ARHGAP35: variants seen among roughly 807,000 people sequenced by gnomAD.
ARHGAP35 encodes the protein Rho GTPase activating protein 35.
ARHGAP35 carries 15 observed loss-of-function variants against 111.1 expected under a neutral mutation model. That is an observed-to-expected ratio of 0.13 (90% CI 0.09 to 0.21). The LOEUF is 0.21. ARHGAP35 is among the 10% of genes least tolerant of loss of function. ARHGAP35 has a pLI of 1.00. For missense variants in ARHGAP35, 1,262 were observed against 1,873.0 expected (o/e 0.67, Z 6.02); for synonymous variants, 643 against 710.3 (o/e 0.91, Z 1.51).
intron 1 of ARHGAP35, among the ~76,000 whole-genome samples, chr19:46,889,102 C>T (rs576185373): frequency 6.6e-6 from 1 of 151,940 alleles, no homozygotes; most frequent in African/African-American, 2.4e-5. Context: ...GTGGATCACC[C>T]AAGGTCAGGA....
At chr19:46,916,709 C>T (rs1335630639) in intron 1 of ARHGAP35, among the ~76,000 whole-genome samples, 3 of 136,438 alleles carry the variant, frequency 2.2e-5, no homozygotes, top group Non-Finnish European at 4.8e-5. Flanking sequence ...ATCCTATATG[C>T]TTTACCCAGA....
Position 47,000,365 on chromosome 19 carries a change from A to G in ARHGAP35, c.4177A>G (p.Ser1393Gly). ...SHNNKVNLMT[S>G]ENLSICFWPT... is the part of the protein sequence containing the mutation. ...CAACAACAAGGTGAATCTCATGACC[A>G]GCGAGAACCTCTCCATCTGCTTCTG... The change falls in exon 7 of 7, where the codon AGC becomes GGC. Residue 1393 changes from serine to glycine, a missense_variant. Physicochemically the swap from Ser to Gly is moderately conservative, Grantham distance 56 (BLOSUM62 0). Transcript: ENST00000672722. This position sits in a 1 kb window ranked among gnomAD's most constrained non-coding sequence, Gnocchi z 6.9. 6.2e-7 allele frequency: 1 copy of G among 1,613,890 alleles called. No individual in the cohort carries two copies. The highest frequency in any genetic ancestry group is 8.5e-7 in the Non-Finnish European group (1 of 1,179,864).
chr19:46,921,080 C>T lies in ARHGAP35; in HGVS notation c.2405C>T (p.Pro802Leu). 1 of 1,613,940 alleles carries T rather than the reference C, an allele frequency of 6.2e-7. No homozygotes were observed. Among genetic ancestry groups the T allele is most frequent in the Non-Finnish European group, 8.5e-7 (1 of 1,179,870 alleles). Residue 802 changes from proline to leucine, a missense_variant, in exon 2 of 7, where the codon CCT (proline) becomes CTT (leucine). Physicochemically the swap from Pro to Leu is moderately conservative, Grantham distance 98 (BLOSUM62 -3). This residue lies in a region of ARHGAP35 where 579 missense variants were observed against 716.9 expected (regional missense o/e 0.81). Transcript: ENST00000672722. The surrounding 1 kb of genome is among the most constrained non-coding windows in gnomAD (Gnocchi z 4.3). ...DPFSADDILF[P>L]VLQSQTCKSS... is the part of the protein sequence containing the mutation. ...TTTAGTGCAGATGACATACTTTTTC[C>T]TGTCCTTCAGTCCCAAACCTGTAAA...
intron 1 of ARHGAP35, among the ~76,000 whole-genome samples, chr19:46,865,759 C>T (rs778260549): frequency 1.3e-5 from 2 of 152,182 alleles, no homozygotes; most frequent in Non-Finnish European, 2.9e-5. Flanking sequence ...GGTGTTAGGC[C>T]GCTTGCAGCG....
Position 46,989,375 on chromosome 19 carries a change from C to T in ARHGAP35, c.3905-169C>T, listed in dbSNP as rs1317039149. On this transcript the variant is annotated intron_variant, in intron 4 of 6. Coordinates refer to ENST00000672722, the MANE Select transcript of ARHGAP35 (RefSeq NM_004491.5). This position sits in a 1 kb window ranked among gnomAD's most constrained non-coding sequence, Gnocchi z 5.3. ...GTGCTGGGGCCAGCCCATGCCTGAACCTCAGAACTCGCGTTAGCGCTCACA... is the reference window on the plus strand; with the variant it reads ...GTGCTGGGGCCAGCCCATGCCTGAATCTCAGAACTCGCGTTAGCGCTCACA... The T allele has an allele frequency of 1.3e-6, 1 of 797,808 alleles. No homozygotes were observed. The highest frequency in any genetic ancestry group is 1.8e-5 in the South Asian group (1 of 55,974). The allele number at this position is 797,808 out of a possible 1,614,324, so 49.4% of individuals were successfully genotyped here. A position where few individuals can be genotyped will look rare whatever the true frequency, so the allele number is the denominator to read the frequency against.
chr19:46,958,795 G>A (rs1192545044), intron 3 of ARHGAP35, among the ~76,000 whole-genome samples: 1 of 152,200 alleles, frequency 6.6e-6, no homozygotes, highest in East Asian at 1.9e-4. Flanking sequence ...GCAATTGCAT[G>A]CCTTCTCTGA....
In ARHGAP35 at chr19:46,999,914, C is replaced by A. The variant is rs2056736672; in HGVS notation, c.4143-417C>A. On this transcript the variant is annotated intron_variant, in intron 6 of 6. Transcript: ENST00000672722. The surrounding 1 kb of genome is among the most constrained non-coding windows in gnomAD (Gnocchi z 5.4). ...ATGGAGCACAGCCGCAGGCGGGAGG[C>A]CGTATGGTTGTTCCCTGAAGTTCCA... 1 of 226,390 alleles carries A rather than the reference C, an allele frequency of 4.4e-6. No homozygotes were observed. Among genetic ancestry groups the A allele is most frequent in the Admixed American group, 5.1e-5 (1 of 19,626 alleles). The allele number at this position is 226,390 out of a possible 1,614,324, so 14.0% of individuals were successfully genotyped here.
intron 5 of ARHGAP35, among the ~76,000 whole-genome samples, chr19:46,991,675 C>T (rs191640779): frequency 1.4e-4 from 22 of 152,316 alleles, no homozygotes; most frequent in African/African-American, 4.8e-4. Flanking sequence ...TGACATGGCA[C>T]CTCTCCCGGC....
Position 46,920,800 on chromosome 19 carries a change from A to T in ARHGAP35, c.2125A>T (p.Thr709Ser). 6.2e-7 allele frequency: 1 copy of T among 1,610,790 alleles called. No homozygotes were observed. The highest frequency in any genetic ancestry group is 1.3e-5 in the African/African-American group (1 of 75,022). Reference sequence around the variant, plus strand: ...AATTTTGGTTAACAAGAGAGGAGACACCAGTGGAGAGACTCTGCATAGCTT... The same window carrying T: ...AATTTTGGTTAACAAGAGAGGAGACTCCAGTGGAGAGACTCTGCATAGCTT... ...TLILVNKRGD[T>S]SGETLHSLIQ... Residue 709 changes from threonine to serine, a missense_variant, in exon 2 of 7, where the codon ACC becomes TCC. Coordinates refer to ENST00000672722, the MANE Select transcript of ARHGAP35 (RefSeq NM_004491.5). The surrounding 1 kb of genome is among the most constrained non-coding windows in gnomAD (Gnocchi z 7.0).
Position 46,998,412 on chromosome 19 carries a change from CTG to C in ARHGAP35, c.4037-890_4037-889del, listed in dbSNP as rs1266633170. 2.0e-5 allele frequency among the ~76,000 whole-genome samples: 3 copies of C among 152,330 alleles called. No homozygotes were observed. In the East Asian group the frequency reaches 5.8e-4, roughly 29 times the overall value. ...GGCATCTTTCCCTGCACAGAGAAAT[CTG>C]TCTTAGCCAGCTGGGCTCCAGGTGG... On this transcript the variant is annotated intron_variant, in intron 5 of 6. Transcript: ENST00000672722.
chr19:46,917,470 C>T (rs1568466507), intron 1 of ARHGAP35, among the ~76,000 whole-genome samples: 1 of 151,894 alleles, frequency 6.6e-6, no homozygotes, highest in Non-Finnish European at 1.5e-5. Context: ...TAGCTGGGCA[C>T]GGTGGCGCAT....
chr19:46,995,530 G>A (rs1424871007), intron 5 of ARHGAP35, among the ~76,000 whole-genome samples: 1 of 152,260 alleles, frequency 6.6e-6, no homozygotes, highest in Non-Finnish European at 1.5e-5. Context: ...ACCCAGAGCA[G>A]ATGGGCTAAG....
intron 3 of ARHGAP35, among the ~76,000 whole-genome samples, chr19:46,969,548 C>G (rs573124520): frequency 1.8e-4 from 27 of 152,278 alleles, no homozygotes; most frequent in Middle Eastern, 6.8e-3. Context: ...GGATGGGAGA[C>G]AGCACTAGTG....
chr19:46,873,288 T>C (rs544692874), intron 1 of ARHGAP35, among the ~76,000 whole-genome samples: 1 of 152,092 alleles, frequency 6.6e-6, no homozygotes, highest in Non-Finnish European at 1.5e-5. Context: ...GAACCCTTAG[T>C]TCTCTTTGAA....
intron 1 of ARHGAP35, among the ~76,000 whole-genome samples, chr19:46,879,904 G>A (rs1159804841): frequency 6.6e-6 from 1 of 151,680 alleles, no homozygotes; most frequent in African/African-American, 2.4e-5. Flanking sequence ...TGGCCAACAT[G>A]GTAAAACCCC....
rs892457552 is a variant in ARHGAP35, at chr19:46,901,795, G to A, written c.-188-16693G>A. On this transcript the variant is annotated intron_variant, in intron 1 of 6. Transcript: ENST00000672722. The surrounding 1 kb of genome is among the most constrained non-coding windows in gnomAD (Gnocchi z 4.5). ...ACTTAGGTTATCATTAGCCCCTAGA[G>A]ACTTACCTGTCTCCTTGAAGAACAT... Among the ~76,000 whole-genome samples, 1 of 152,128 alleles carries A rather than the reference G, an allele frequency of 6.6e-6. No homozygotes were observed. The highest frequency in any genetic ancestry group is 1.5e-5 in the Non-Finnish European group (1 of 68,024).
At chr19:46,865,904 A>C (rs1263873738) in intron 1 of ARHGAP35, among the ~76,000 whole-genome samples, 1 of 152,132 alleles carries the variant, frequency 6.6e-6, no homozygotes, top group Non-Finnish European at 1.5e-5. Context: ...GCAATGGCGC[A>C]ATCTCAGCTC....
intron 1 of ARHGAP35, among the ~76,000 whole-genome samples, chr19:46,891,517 C>T (rs1443571968): frequency 1.3e-5 from 2 of 151,722 alleles, no homozygotes; most frequent in Non-Finnish European, 2.9e-5. Flanking sequence ...ACCTCCGCCT[C>T]CCGGGTTCAA....
At chr19:46,863,146 T>C (rs2055838091) in intron 1 of ARHGAP35, among the ~76,000 whole-genome samples, 1 of 151,964 alleles carries the variant, frequency 6.6e-6, no homozygotes, top group Admixed American at 6.6e-5. Context: ...TCACCACCCG[T>C]GGCCCACCCA....
Sources: gnomAD v4.1 joint callset for allele counts (sites outside exome capture counted in the v4.1 genomes callset) on GRCh38, gnomAD v4.1.1 for gene constraint, gnomAD v4.1.1 regional missense constraint, Gnocchi (gnomAD v3.1) non-coding constraint, MANE v1.5 for transcripts, NCBI Gene and HGNC (gene_info 2026-07-23, HGNC 2026-07-21) for gene names.